Variants in PACRG observed in about 807,000 individuals in gnomAD.
PACRG encodes the protein parkin coregulated gene protein.
In PACRG, 29 loss-of-function variants were observed where a neutral mutation model predicts 29.7. That is an observed-to-expected ratio of 0.98 (90% CI 0.73 to 1.33). PACRG has a LOEUF of 1.33. PACRG is among the 40% of genes most tolerant of loss of function. PACRG has a pLI of 0.00. For synonymous variants in PACRG, 116 were observed against 118.7 expected (o/e 0.98, Z 0.15); for missense variants, 279 against 316.2 (o/e 0.88, Z 0.89).
chr6:163,096,575 C>T (rs17381032), intron 4 of PACRG, among the ~76,000 whole-genome samples: 2,926 of 152,286 alleles, frequency 0.019, 63 homozygotes, highest in Non-Finnish European at 0.025. Flanking sequence ...GTAACAACTC[C>T]GTGCCTTAGT....
At chr6:162,800,565 C>T (rs974140811) in intron 1 of PACRG, among the ~76,000 whole-genome samples, 1 of 152,006 alleles carries the variant, frequency 6.6e-6, no homozygotes, top group African/African-American at 2.4e-5. Flanking sequence ...ATCAAGTGGA[C>T]CTGAAAGAAT....
At chr6:162,844,856 G>A (rs1268765089) in intron 2 of PACRG, among the ~76,000 whole-genome samples, 5 of 152,216 alleles carry the variant, frequency 3.3e-5, no homozygotes, top group Admixed American at 2.6e-4. Context: ...GGCTAGTTCT[G>A]TACCAGTTAC....
At chr6:162,933,045 G>A (rs2128107794) in intron 2 of PACRG, among the ~76,000 whole-genome samples, 1 of 151,288 alleles carries the variant, frequency 6.6e-6, no homozygotes, top group African/African-American at 2.4e-5. Flanking sequence ...CATATGATTT[G>A]GTATATGTTT....
chr6:163,209,960 C>T (rs796891464), intron 4 of PACRG, among the ~76,000 whole-genome samples: 9 of 152,176 alleles, frequency 5.9e-5, no homozygotes, highest in African/African-American at 1.9e-4. Context: ...GTTCTTGAGC[C>T]GAGCCCCTAA....
At chr6:162,864,987 G>T (rs1174191173) in intron 2 of PACRG, among the ~76,000 whole-genome samples, 1 of 152,174 alleles carries the variant, frequency 6.6e-6, no homozygotes, top group Non-Finnish European at 1.5e-5. Flanking sequence ...CTTACATAGT[G>T]ATTGTTAGGA....
At chr6:162,967,896 C>T (rs917396859) in intron 2 of PACRG, among the ~76,000 whole-genome samples, 18 of 152,150 alleles carry the variant, frequency 1.2e-4, no homozygotes, top group African/African-American at 3.6e-4. Flanking sequence ...AAATTAAAAT[C>T]AGAATGAAAT....
rs188917540 is a variant in PACRG, at chr6:162,800,857, C to T, written c.157-13290C>T. Among the ~76,000 whole-genome samples, 117 of 152,240 alleles carry T rather than the reference C, an allele frequency of 7.7e-4. No individual in the cohort carries two copies. The East Asian group carries it at 0.011, about 15-fold the overall frequency. On this transcript the variant is annotated intron_variant, in intron 1 of 4. Coordinates refer to ENST00000366888, the MANE Select transcript of PACRG (RefSeq NM_001080379.2). ...TTATTTTTAAAGACTCCGTAGGATGCTCACTCAACATGTTAAGTTAGAAAG... is the reference window on the plus strand; with the variant it reads ...TTATTTTTAAAGACTCCGTAGGATGTTCACTCAACATGTTAAGTTAGAAAG...
In PACRG at chr6:163,191,622, A is replaced by G. The variant is rs897139326; in HGVS notation, c.613+102214A>G. Reference sequence around the variant, plus strand: ...CTCACGAGCTGAGACCTCCTGACTCAGGCACTGTGGCTGCACTCCACCAGG... The same window carrying G: ...CTCACGAGCTGAGACCTCCTGACTCGGGCACTGTGGCTGCACTCCACCAGG... On this transcript the variant is annotated intron_variant, in intron 4 of 4. Coordinates refer to ENST00000366888, the MANE Select transcript of PACRG (RefSeq NM_001080379.2). 4.8e-5 allele frequency: 22 copies of G among 456,002 alleles called. No individual in the cohort carries two copies. The Admixed American group carries it at 5.2e-4, about 11-fold the overall frequency. The allele number at this position is 456,002 out of a possible 1,614,324, so 28.2% of individuals were successfully genotyped here.
intron 1 of PACRG, among the ~76,000 whole-genome samples, chr6:162,808,383 G>C (rs1786545893): frequency 6.6e-6 from 1 of 152,090 alleles, no homozygotes; most frequent in Non-Finnish European, 1.5e-5. Context: ...GGCTAAATGG[G>C]CCAATTAGAA....
chr6:162,847,527 G>A (rs1346355506), intron 2 of PACRG, among the ~76,000 whole-genome samples: 1 of 150,816 alleles, frequency 6.6e-6, no homozygotes, highest in African/African-American at 2.4e-5. Flanking sequence ...TAGTATGTGT[G>A]TATTGTTGAA....
At chr6:163,303,618 G>A (rs1204682862) in intron 4 of PACRG, among the ~76,000 whole-genome samples, 1 of 152,118 alleles carries the variant, frequency 6.6e-6, no homozygotes, top group African/African-American at 2.4e-5. Flanking sequence ...AAATCACCAT[G>A]TAGCTATGAA....
chr6:163,085,118 A>G (rs1225747915), intron 3 of PACRG, among the ~76,000 whole-genome samples: 2 of 152,050 alleles, frequency 1.3e-5, no homozygotes, highest in African/African-American at 4.8e-5. Flanking sequence ...CCTACTTATG[A>G]CTTCATAGTG....
intron 4 of PACRG, among the ~76,000 whole-genome samples, chr6:163,160,394 G>A (rs1379431727): frequency 6.6e-6 from 1 of 152,062 alleles, no homozygotes; most frequent in Non-Finnish European, 1.5e-5. Flanking sequence ...TTAATATCCA[G>A]GATATTTAGT....
At position 162,977,533 on chromosome 6, in the gene PACRG, T is replaced by C. The variant is rs114057504; in HGVS notation, c.292-84617T>C. Reference sequence around the variant, plus strand: ...TTCGCCACCCTGAGCCCCTTTTTTTTCTCCTCGAACCCCATCCCACCCTTC... The same window carrying C: ...TTCGCCACCCTGAGCCCCTTTTTTTCCTCCTCGAACCCCATCCCACCCTTC... On this transcript the variant is annotated intron_variant, in intron 2 of 4. Transcript: ENST00000366888. Among the ~76,000 whole-genome samples, 989 of 152,226 alleles carry C rather than the reference T, an allele frequency of 6.5e-3. 13 individuals carry two copies. The highest frequency in any genetic ancestry group is 0.022 in the African/African-American group (907 of 41,532).
At chr6:163,028,369 C>G (rs1807341373) in intron 2 of PACRG, among the ~76,000 whole-genome samples, 1 of 152,086 alleles carries the variant, frequency 6.6e-6, no homozygotes, top group Admixed American at 6.5e-5. Flanking sequence ...ATAACTCACA[C>G]CTTCCAAAGT....
intron 2 of PACRG, among the ~76,000 whole-genome samples, chr6:162,912,305 T>C (rs1796357044): frequency 6.6e-6 from 1 of 152,192 alleles, no homozygotes; most frequent in South Asian, 2.1e-4. Context: ...TTTTTTTGTA[T>C]ATGCTCTCTT....
chr6:163,205,308 T>C (rs1780857915), intron 4 of PACRG, among the ~76,000 whole-genome samples: 2 of 152,252 alleles, frequency 1.3e-5, no homozygotes, highest in Admixed American at 6.5e-5. Context: ...TTACCCAACT[T>C]CAAACTATAT....
intron 3 of PACRG, among the ~76,000 whole-genome samples, chr6:163,065,367 G>T (rs939865735): frequency 6.6e-6 from 1 of 152,170 alleles, no homozygotes; most frequent in African/African-American, 2.4e-5. Context: ...ACTCCATCCA[G>T]TAGGAAAAGA....
intron 2 of PACRG, among the ~76,000 whole-genome samples, chr6:162,896,425 T>C (rs1795170347): frequency 6.6e-6 from 1 of 152,200 alleles, no homozygotes; most frequent in South Asian, 2.1e-4. Context: ...GGTCCAGGGA[T>C]AATTTCTCCG....
Sources: allele counts gnomAD v4.1 joint callset (sites outside exome capture counted in the v4.1 genomes callset), GRCh38; gene constraint gnomAD v4.1.1; transcripts MANE v1.5; gene names NCBI Gene and HGNC (gene_info 2026-07-23, HGNC 2026-07-21).